CCDC146: variants seen among roughly 807,000 people sequenced by gnomAD.
The protein encoded by CCDC146 is coiled-coil domain-containing protein 146.
Under a neutral mutation model 119.3 loss-of-function variants are expected in CCDC146, and 92 were observed. That is an observed-to-expected ratio of 0.77 (90% CI 0.65 to 0.92). The LOEUF is 0.92. CCDC146 is among the 40% of genes least tolerant of loss of function. The probability of loss-of-function intolerance (pLI) is 0.00; values close to 1 mark genes in which losing one functional copy is unlikely to be tolerated. For missense variants in CCDC146, 1,000 were observed against 1,103.0 expected (o/e 0.91, Z 1.32); for synonymous variants, 372 against 371.8 (o/e 1.00, Z -0.01).
chr7:77,132,203 GAA>G (rs1790794486), intron 1 of CCDC146, among the ~76,000 whole-genome samples: 1 of 151,602 alleles, frequency 6.6e-6, no homozygotes, highest in South Asian at 2.1e-4. Context: ...AGAAAGGAGA[GAA>G]CTCTTCCCAA....
intron 2 of CCDC146, among the ~76,000 whole-genome samples, chr7:77,205,521 G>C (rs891504401): frequency 6.6e-6 from 1 of 152,230 alleles, no homozygotes; most frequent in Non-Finnish European, 1.5e-5. Context: ...ATTTTGGAAG[G>C]CTGAGGTGGG....
chr7:77,233,092 TTG>T (rs1470560662), intron 2 of CCDC146, among the ~76,000 whole-genome samples: 1 of 64,042 alleles, frequency 1.6e-5, no homozygotes, highest in East Asian at 1.2e-3. Flanking sequence ...TTTCTTTTGT[TTG>T]TTTTTTTTTT....
intron 6 of CCDC146, 81 bp downstream of exon 6, chr7:77,256,590 G>A: frequency 8.6e-7 from 1 of 1,156,198 alleles, no homozygotes; most frequent in Non-Finnish European, 1.2e-6. Flanking sequence ...TAACCAGCAG[G>A]TTGGATAAAG....
At chr7:77,202,468 GCA>G (rs1173122048) in intron 2 of CCDC146, among the ~76,000 whole-genome samples, 1 of 152,208 alleles carries the variant, frequency 6.6e-6, no homozygotes, top group African/African-American at 2.4e-5. Flanking sequence ...AGGGCCAATG[GCA>G]CAGTTTCCCC....
chr7:77,175,266 G>C (rs1411343804), intron 2 of CCDC146, among the ~76,000 whole-genome samples: 1 of 150,336 alleles, frequency 6.7e-6, no homozygotes, highest in Non-Finnish European at 1.5e-5. Flanking sequence ...CAAGAGCCAG[G>C]CATCTCCTCC....
intron 7 of CCDC146, 110 bp from the exon 8 acceptor site, chr7:77,259,899 G>A: frequency 1.3e-6 from 1 of 741,270 alleles, no homozygotes; most frequent in Admixed American, 2.7e-5. Flanking sequence ...TGGTTAGAAA[G>A]CAAGAATAGG....
At chr7:77,176,293 T>C (rs1198185292) in intron 2 of CCDC146, among the ~76,000 whole-genome samples, 1 of 151,190 alleles carries the variant, frequency 6.6e-6, no homozygotes, top group Non-Finnish European at 1.5e-5. Context: ...CCAGTTAGAA[T>C]GCCATTTCAG....
At chr7:77,137,919 G>A (rs530656267) in intron 1 of CCDC146, among the ~76,000 whole-genome samples, 77 of 150,748 alleles carry the variant, frequency 5.1e-4, no homozygotes, top group Admixed American at 1.4e-3. Flanking sequence ...CAATAGACTA[G>A]GGGGCTTAAA....
intron 2 of CCDC146, among the ~76,000 whole-genome samples, chr7:77,210,136 C>A (rs1157673997): frequency 6.6e-6 from 1 of 152,208 alleles, no homozygotes; most frequent in Non-Finnish European, 1.5e-5. Flanking sequence ...AGTCAGCCTG[C>A]AAATTTTCTA....
At chr7:77,155,745 G>T (rs1791169722) in intron 1 of CCDC146, among the ~76,000 whole-genome samples, 1 of 152,014 alleles carries the variant, frequency 6.6e-6, no homozygotes, top group South Asian at 2.1e-4. Flanking sequence ...ATTATTAGGC[G>T]CCCTGAACAA....
intron 1 of CCDC146, among the ~76,000 whole-genome samples, chr7:77,129,708 G>A (rs944600262): frequency 1.3e-5 from 2 of 151,786 alleles, no homozygotes; most frequent in Admixed American, 6.5e-5. Flanking sequence ...CCCCCCCAGC[G>A]AATTTTTCAA....
In CCDC146 at chr7:77,250,973, TTGTGTGTGTGTG is replaced by T. The variant is rs58026945; in HGVS notation, c.450-3491_450-3480del. On this transcript the variant is annotated intron_variant, in intron 4 of 18. Coordinates refer to ENST00000285871, the MANE Select transcript of CCDC146 (RefSeq NM_020879.3). ...ATACAGTGATTTTGATCTCTGGTATTTGTGTGTGTGTGTGTGTGTGTGTGTGTGTGTGTGTGT... is the reference window on the plus strand; with the variant it reads ...ATACAGTGATTTTGATCTCTGGTATTTGTGTGTGTGTGTGTGTGTGTGTGT... Among the ~76,000 whole-genome samples, 285 of 114,708 alleles carry T rather than the reference TTGTGTGTGTGTG, an allele frequency of 2.5e-3. 2 individuals carry two copies. The highest frequency in any genetic ancestry group is 3.9e-3 in the South Asian group (12 of 3,068). 75.3% of individuals were successfully genotyped at this position (114,708 alleles called of 152,430 possible). A position where few individuals can be genotyped will look rare whatever the true frequency, so the allele number is the denominator to read the frequency against.
At chr7:77,195,530 TAA>T (rs1791851059) in intron 2 of CCDC146, 1 of 152,164 alleles carries the variant, frequency 6.6e-6, no homozygotes, top group Admixed American at 6.5e-5. Context: ...TGATATAGAT[TAA>T]GTTTGTCTCA....
At chr7:77,134,207 A>G (rs1223381626) in intron 1 of CCDC146, among the ~76,000 whole-genome samples, 5 of 152,052 alleles carry the variant, frequency 3.3e-5, no homozygotes, top group South Asian at 4.1e-4. Context: ...TCAAACACAT[A>G]TATTGCTAGA....
chr7:77,286,830 G>A lies in CCDC146; in HGVS notation c.2181G>A (p.Leu727=), dbSNP rs781724829. ...AGTGTACAGACAGAATTAAAGACCT[G>A]GAGAAACAGTTCGTAAAGCCTGATG... ...FSQCTDRIKD[L]EKQFVKPDGE... The change falls in exon 16 of 19, where the codon CTG becomes CTA. Residue 727 remains leucine, a synonymous_variant. Coordinates refer to ENST00000285871, the MANE Select transcript of CCDC146 (RefSeq NM_020879.3). The A allele has an allele frequency of 6.2e-7, 1 of 1,613,656 alleles. No homozygotes were observed. The highest frequency in any genetic ancestry group is 1.3e-5 in the African/African-American group (1 of 74,930).
At chr7:77,240,079 A>T (rs1482558555) in intron 3 of CCDC146, among the ~76,000 whole-genome samples, 3 of 152,246 alleles carry the variant, frequency 2.0e-5, no homozygotes, top group Non-Finnish European at 4.4e-5. Flanking sequence ...ATAGTTCACT[A>T]AGTGGGGAGA....
chr7:77,134,978 G>C (rs1035933584), intron 1 of CCDC146, among the ~76,000 whole-genome samples: 5 of 152,190 alleles, frequency 3.3e-5, no homozygotes, highest in African/African-American at 1.2e-4. Context: ...GTTATTGTTT[G>C]TTTTTGAACT....
In CCDC146 at chr7:77,293,185, C is replaced by T. The variant is rs371080526; in HGVS notation, c.2649C>T (p.Ile883=). 12 of 1,613,796 alleles carry T rather than the reference C, an allele frequency of 7.4e-6. No homozygotes were observed. Among genetic ancestry groups the T allele is most frequent in the South Asian group, 1.1e-5 (1 of 91,058 alleles). Residue 883 remains isoleucine (I), a synonymous_variant, in exon 18 of 19, where the codon ATC becomes ATT. Coordinates refer to ENST00000285871, the MANE Select transcript of CCDC146 (RefSeq NM_020879.3). ...ATGAAGAAATGCACGCCTTGGCCATCGCTGAAAAGTCTCAGGTAGGCTTTG... is the reference window on the plus strand; with the variant it reads ...ATGAAGAAATGCACGCCTTGGCCATTGCTGAAAAGTCTCAGGTAGGCTTTG... The part of the protein sequence containing the change: ...LRDEEMHALA[I]AEKSQEFLEA...
rs117593306 is a variant in CCDC146 at position 77,252,349 on chromosome 7, G to A, written c.450-2157G>A. Among the ~76,000 whole-genome samples the A allele has an allele frequency of 1.1e-3, 163 of 152,210 alleles. 1 individual carries two copies. In the Middle Eastern group the frequency reaches 0.058, roughly 54 times the overall value. On this transcript the variant is annotated intron_variant, in intron 4 of 18. Transcript: ENST00000285871. ...AAAAGCTCAATGAGCCCCAAACAGGGTAAACTCAAAGAAATATGTTCCAAA... is the reference window on the plus strand; with the variant it reads ...AAAAGCTCAATGAGCCCCAAACAGGATAAACTCAAAGAAATATGTTCCAAA...
Sources: allele counts gnomAD v4.1 joint callset (sites outside exome capture counted in the v4.1 genomes callset), GRCh38; gene constraint gnomAD v4.1.1; transcripts MANE v1.5; gene names NCBI Gene and HGNC (gene_info 2026-07-23, HGNC 2026-07-21).